Variants in EARS2 observed in about 807,000 individuals in gnomAD.
The protein encoded by EARS2 is glutamyl-tRNA synthetase 2, mitochondrial.
A neutral mutation model predicts 54.1 loss-of-function variants in EARS2; 50 were observed. That is an observed-to-expected ratio of 0.92 (90% CI 0.74 to 1.17). The LOEUF (loss-of-function observed/expected upper bound fraction) is 1.17, where lower values mean the gene tolerates loss of function less well. Ranked by LOEUF, EARS2 falls within the 50% of genes most tolerant of loss-of-function variation. The pLI is 0.00. For synonymous variants in EARS2, 298 were observed against 281.0 expected (o/e 1.06, Z -0.61); for missense variants, 673 against 675.0 (o/e 1.00, Z 0.03).
intron 1 of EARS2, chr16:23,553,068 C>T (rs943843717): frequency 7.5e-6 from 3 of 401,768 alleles, no homozygotes; most frequent in Non-Finnish European, 1.5e-5. Flanking sequence ...GCTGAGGCTG[C>T]AGCGAGCCAT....
intron 8 of EARS2, chr16:23,525,026 A>T: frequency 1.6e-6 from 1 of 626,188 alleles, no homozygotes; most frequent in Non-Finnish European, 2.8e-6. Flanking sequence ...GAGATTATGT[A>T]TGTGTGTTTA....
chr16:23,537,282 G>C (rs1490415586), intron 3 of EARS2: 1 of 157,738 alleles, frequency 6.3e-6, no homozygotes, highest in Non-Finnish European at 1.4e-5. Flanking sequence ...TATAGAGATG[G>C]GGTTTCACCA....
rs1348056636 is a variant in EARS2, at chr16:23,532,656, C to T, written c.1067+1G>A. On this transcript the variant is annotated splice_donor_variant, in intron 5 of 8. Transcript: ENST00000449606. LOFTEE classifies it high-confidence loss of function. ...AGGGGATCTCCATGCTCCCCACTCA[C>T]CTGTTGAATTCTGGGAGCTTCTCCA... The T allele has an allele frequency of 1.2e-6, 2 of 1,612,978 alleles. No homozygotes were observed. The highest frequency in any genetic ancestry group is 3.3e-5 in the Admixed American group (2 of 59,984).
rs2142168156 is a variant in EARS2 at position 23,532,519 on chromosome 16, A to C, written c.1067+138T>G. On this transcript the variant is annotated intron_variant, in intron 5 of 8. Coordinates refer to ENST00000449606, the MANE Select transcript of EARS2 (RefSeq NM_001083614.2). ...AATCCCATTTTAGAGAAGAGAAAAC[A>C]GAGGCTCAAAGAGGCTAGGTGATTT... 5.3e-6 allele frequency: 3 copies of C among 571,328 alleles called. No homozygotes were observed. The East Asian group carries it at 8.5e-5, about 16-fold the overall frequency. 35.4% of individuals were successfully genotyped at this position (571,328 alleles called of 1,614,324 possible).
chr16:23,546,234 G>C (rs1041441645), intron 2 of EARS2: 1 of 363,778 alleles, frequency 2.7e-6, no homozygotes, highest in Non-Finnish European at 5.5e-6. Context: ...AATGCTTTCA[G>C]GAGAGGGCAC....
chr16:23,544,847 C>CTTT, intron 2 of EARS2, 144 bp from the exon 3 acceptor site: 1 of 738,388 alleles, frequency 1.4e-6, no homozygotes, highest in Non-Finnish European at 2.1e-6. Context: ...TCCCCGCCGC[C>CTTT]TTTTTTTTTG....
At chr16:23,524,746 A>T (rs1468723733) in intron 8 of EARS2, among the ~76,000 whole-genome samples, 1 of 150,276 alleles carries the variant, frequency 6.7e-6, no homozygotes, top group East Asian at 2.0e-4. Flanking sequence ...TCCCAGGTTC[A>T]GGCAATTCTC....
chr16:23,537,195 T>C (rs1050803547), intron 3 of EARS2: 1 of 173,200 alleles, frequency 5.8e-6, no homozygotes, highest in Non-Finnish European at 1.3e-5. Flanking sequence ...TGGCAAAACT[T>C]TGGGAGCTCT....
In EARS2 at chr16:23,557,044, C is replaced by T. The variant is rs1464912152; in HGVS notation, c.139+161G>A. The T allele has an allele frequency of 7.4e-6, 8 of 1,080,616 alleles. No individual in the cohort carries two copies. The South Asian group carries it at 1.1e-4, about 15-fold the overall frequency. The allele number at this position is 1,080,616 out of a possible 1,614,324, so 66.9% of individuals were successfully genotyped here. On this transcript the variant is annotated intron_variant, in intron 1 of 8. Coordinates refer to ENST00000449606, the MANE Select transcript of EARS2 (RefSeq NM_001083614.2). ...CTGGCAATTTGAATTATTTCCGCTC[C>T]TGCACCTCAGTTTCCGCCTCTGTAA...
chr16:23,546,718 GCTAA>G lies in EARS2; in HGVS notation c.296-2019_296-2016del, dbSNP rs536466810. Among the ~76,000 whole-genome samples the G allele has an allele frequency of 1.4e-4, 21 of 152,270 alleles. No homozygotes were observed. In the Middle Eastern group the frequency reaches 0.01, roughly 74 times the overall value. On this transcript the variant is annotated intron_variant, in intron 2 of 8. Transcript: ENST00000449606. ...CTACAGGTACATGCCACCAGGCCTG[GCTAA>G]CTTTTTTTAAGTTTTCTATAGAGAC...
Position 23,524,403 on chromosome 16 carries a change from G to A in EARS2, c.1540C>T (p.Arg514Trp), listed in dbSNP as rs376807600. 58 of 1,614,016 alleles carry A rather than the reference G, an allele frequency of 3.6e-5. No homozygotes were observed. The highest frequency in any genetic ancestry group is 1.4e-4 in the South Asian group (13 of 91,088). ...MMLALGPKEV[R>W]ERIQKVVSS ...GAAACCACCTTCTGGATCCGTTCCC[G>A]TACTTCCTTTGGTCCCAAGGCCAAC... Residue 514 changes from arginine (R) to tryptophan (W), a missense_variant, in exon 9 of 9, where the codon CGG becomes TGG. Physicochemically the swap from Arg to Trp is moderately radical, Grantham distance 101. Transcript: ENST00000449606.
chr16:23,556,216 T>C (rs995641588), intron 1 of EARS2, among the ~76,000 whole-genome samples: 6 of 152,108 alleles, frequency 3.9e-5, no homozygotes, highest in Non-Finnish European at 2.9e-5. Context: ...GAAGGTAGCC[T>C]TACTGGTGGG....
At chr16:23,524,710 G>A (rs1012433492) in intron 8 of EARS2, among the ~76,000 whole-genome samples, 11 of 149,338 alleles carry the variant, frequency 7.4e-5, no homozygotes, top group Non-Finnish European at 1.3e-4. Context: ...ACAACGGTGC[G>A]ATCTTGGCTC....
chr16:23,521,150 CTCAG>C lies in EARS2; in HGVS notation c.*3217_*3220del, dbSNP rs1965138965. ...TACAGAAAAATATAAAATTTACCAT[CTCAG>C]TCATTTTTAAATATACAGTTCAGCG... On this transcript the variant is annotated 3_prime_UTR_variant, in exon 9 of 9. Transcript: ENST00000449606. Among the ~76,000 whole-genome samples, 1 of 152,108 alleles carries C rather than the reference CTCAG, an allele frequency of 6.6e-6. No individual in the cohort carries two copies. Among genetic ancestry groups the C allele is most frequent in the Non-Finnish European group, 1.5e-5 (1 of 68,036 alleles).
chr16:23,530,085 T>A (rs1156916573), intron 5 of EARS2, among the ~76,000 whole-genome samples, 188 bp from the exon 6 acceptor site: 1 of 152,230 alleles, frequency 6.6e-6, no homozygotes, highest in Non-Finnish European at 1.5e-5. Flanking sequence ...ACAAACAGCC[T>A]GAAAGTCCCA....
At chr16:23,538,841 C>G (rs930132573) in intron 3 of EARS2, among the ~76,000 whole-genome samples, 1 of 152,002 alleles carries the variant, frequency 6.6e-6, no homozygotes, top group Non-Finnish European at 1.5e-5. Context: ...GGTGACACAG[C>G]AAGACCCTGT....
Position 23,535,098 on chromosome 16 carries a change from A to T in EARS2, c.748T>A (p.Trp250Arg). ...GISHVLRGSE[W>R]LVSTAKHLLL... Reference sequence around the variant, plus strand: ...AGGTGCTTGGCAGTGGAGACGAGCCACTCAGAGCCTCGCAGCACGTGGCTG... The same window carrying T: ...AGGTGCTTGGCAGTGGAGACGAGCCTCTCAGAGCCTCGCAGCACGTGGCTG... Residue 250 changes from tryptophan to arginine, a missense_variant, in exon 4 of 9, where the codon TGG becomes AGG. By Grantham distance (101) the Trp-to-Arg change is moderately radical (BLOSUM62 -3). This residue lies in a region of EARS2 where 338 missense variants were observed against 361.2 expected (regional missense o/e 0.94). Transcript: ENST00000449606. 6.2e-7 allele frequency: 1 copy of T among 1,609,296 alleles called. No individual in the cohort carries two copies. Among genetic ancestry groups the T allele is most frequent in the Non-Finnish European group, 8.5e-7 (1 of 1,178,334 alleles).
At chr16:23,535,928 AAGTC>A in intron 3 of EARS2, among the ~76,000 whole-genome samples, 1 of 152,294 alleles carries the variant, frequency 6.6e-6, no homozygotes, top group Non-Finnish European at 1.5e-5. Flanking sequence ...GAAGGCAATG[AAGTC>A]AGAGAGAAGC....
At chr16:23,539,763 A>C (rs1965482976) in intron 3 of EARS2, among the ~76,000 whole-genome samples, 1 of 152,118 alleles carries the variant, frequency 6.6e-6, no homozygotes, top group South Asian at 2.1e-4. Context: ...CTATAATCCC[A>C]GCACTTTGGG....
Sources: gnomAD v4.1 joint callset for allele counts (sites outside exome capture counted in the v4.1 genomes callset) on GRCh38, gnomAD v4.1.1 for gene constraint, gnomAD v4.1.1 regional missense constraint, MANE v1.5 for transcripts, NCBI Gene and HGNC (gene_info 2026-07-23, HGNC 2026-07-21) for gene names.